Variants in SETD2 observed in about 807,000 individuals in gnomAD.
SETD2 encodes histone-lysine N-methyltransferase SETD2.
SETD2 carries 31 observed loss-of-function variants against 242.1 expected under a neutral mutation model. The ratio of observed to expected loss-of-function variants is 0.13; its 90% CI spans 0.10 to 0.17. The LOEUF (loss-of-function observed/expected upper bound fraction) is 0.17. Among genes scored for constraint, SETD2 ranks in the 10% least tolerant of loss-of-function variants. The pLI is 1.00. For synonymous variants in SETD2, 1,006 were observed against 1,066.5 expected, an observed-to-expected ratio of 0.94 and a Z score of 1.11; for missense variants, 2,481 against 3,046.3, an observed-to-expected ratio of 0.81 and a Z score of 4.37.
At chr3:47,034,481 C>T (rs1322026097) in intron 18 of SETD2, among the ~76,000 whole-genome samples, 2 of 152,092 alleles carry the variant, frequency 1.3e-5, no homozygotes, top group African/African-American at 4.8e-5. Context: ...CTCTAAAGTC[C>T]TTGTTTGTTG....
intron 1 of SETD2, among the ~76,000 whole-genome samples, chr3:47,158,498 A>G (rs1236733465): frequency 1.3e-5 from 2 of 152,226 alleles, no homozygotes; most frequent in African/African-American, 4.8e-5. Context: ...TACAAGGATG[A>G]AGACCTTTAT....
chr3:47,049,490 A>G (rs2039706068), intron 15 of SETD2, among the ~76,000 whole-genome samples: 4 of 143,320 alleles, frequency 2.8e-5, no homozygotes, highest in Admixed American at 2.1e-4. Flanking sequence ...CTCCTGCCTC[A>G]GCCTCCCGAG....
At position 47,120,748 on chromosome 3, in the gene SETD2, T is replaced by C. The variant is rs2043044110; in HGVS notation, c.3888A>G (p.Thr1296=). The C allele has an allele frequency of 3.1e-6, 5 of 1,614,078 alleles. No homozygotes were observed. Among genetic ancestry groups the C allele is most frequent in the South Asian group, 2.2e-5 (2 of 91,082 alleles). The change falls in exon 3 of 21, where the codon ACA becomes ACG. Residue 1296 remains threonine, a synonymous_variant. Transcript: ENST00000409792. ...YQQNAEQYGG[T]RDYWQGNGYW... ...AACCATTGCCTTGCCAGTAATCACG[T>C]GTCCCACCATACTGTTCTGCATTTT...
chr3:47,091,625 T>C (rs2041808559), intron 9 of SETD2, among the ~76,000 whole-genome samples: 1 of 152,120 alleles, frequency 6.6e-6, no homozygotes. Flanking sequence ...TAGCCGGGCA[T>C]GATGGCAGGT....
At position 47,084,102 on chromosome 3, in the gene SETD2, A is replaced by G. The variant is rs1322385881; in HGVS notation, c.5678T>C (p.Ile1893Thr). The G allele has an allele frequency of 6.2e-7, 1 of 1,614,044 alleles. No homozygotes were observed. Among genetic ancestry groups the G allele is most frequent in the Admixed American group, 1.7e-5 (1 of 60,002 alleles). Residue 1893 changes from isoleucine to threonine, a missense_variant, in exon 12 of 21, where the codon ATC becomes ACC. By Grantham distance (89) the Ile-to-Thr change is moderately conservative. Coordinates refer to ENST00000409792, the MANE Select transcript of SETD2 (RefSeq NM_014159.7). ...IISENSMDSAISDATSELEGK... is the reference protein window; with the variant it reads ...IISENSMDSATSDATSELEGK... ...TTCTAGCTCACTGGTTGCATCAGAG[A>G]TTGCACTGTCCATGCTATTTTCACT...
intron 2 of SETD2, among the ~76,000 whole-genome samples, 177 bp from the exon 3 acceptor site, chr3:47,124,725 T>C (rs1447868011): frequency 1.3e-5 from 2 of 152,192 alleles, no homozygotes; most frequent in Non-Finnish European, 2.9e-5. Flanking sequence ...GTCAAAAGTA[T>C]AGAAAATGGT....
intron 16 of SETD2, among the ~76,000 whole-genome samples, chr3:47,044,133 G>C (rs1034586203): frequency 2.2e-4 from 33 of 151,816 alleles, no homozygotes; most frequent in African/African-American, 8.0e-4. Flanking sequence ...ACGAGGTCAG[G>C]AGTTTGAGAC....
chr3:47,158,134 C>A (rs1027472454), intron 1 of SETD2, among the ~76,000 whole-genome samples: 4 of 152,050 alleles, frequency 2.6e-5, no homozygotes, highest in Admixed American at 6.6e-5. Flanking sequence ...TGGATTCCTT[C>A]TCAGTCTAAT....
chr3:47,086,574 T>G (rs2041567849), intron 10 of SETD2, among the ~76,000 whole-genome samples: 1 of 152,206 alleles, frequency 6.6e-6, no homozygotes, highest in African/African-American at 2.4e-5. Flanking sequence ...ATATGAATAT[T>G]AATAGGTCAT....
At chr3:47,085,289 C>A (rs1018171275) in intron 11 of SETD2, among the ~76,000 whole-genome samples, 1 of 152,176 alleles carries the variant, frequency 6.6e-6, no homozygotes, top group African/African-American at 2.4e-5. Flanking sequence ...CACTACTGGA[C>A]CAATCCTGGG....
chr3:47,142,239 C>T (rs2043746927), intron 1 of SETD2, among the ~76,000 whole-genome samples: 1 of 152,084 alleles, frequency 6.6e-6, no homozygotes, highest in Non-Finnish European at 1.5e-5. Context: ...GACGTGGTAG[C>T]TCCCCCATCT....
intron 18 of SETD2, among the ~76,000 whole-genome samples, chr3:47,029,830 T>C (rs2038682128): frequency 6.6e-6 from 1 of 152,218 alleles, no homozygotes; most frequent in South Asian, 2.1e-4. Flanking sequence ...CATTTTATTC[T>C]GGGACTTGAC....
intron 18 of SETD2, among the ~76,000 whole-genome samples, chr3:47,028,017 T>TTTTTG (rs943389525): frequency 6.6e-6 from 1 of 152,070 alleles, no homozygotes; most frequent in Non-Finnish European, 1.5e-5. Flanking sequence ...GATGCTGGTT[T>TTTTTG]TTTTGTTTTG....
chr3:47,132,598 C>T (rs1198859906), intron 1 of SETD2, among the ~76,000 whole-genome samples: 1 of 152,150 alleles, frequency 6.6e-6, no homozygotes, highest in Non-Finnish European at 1.5e-5. Flanking sequence ...AAAGAATATT[C>T]CTGTCCTCAA....
chr3:47,116,816 A>G, intron 3 of SETD2, 62 bp from the exon 4 acceptor site: 4 of 1,161,374 alleles, frequency 3.4e-6, no homozygotes, highest in Non-Finnish European at 5.0e-6. Flanking sequence ...TATAACATAT[A>G]TAATCAAATA....
At chr3:47,049,374 C>CTTT (rs1166711209) in intron 15 of SETD2, among the ~76,000 whole-genome samples, 11 of 96,968 alleles carry the variant, frequency 1.1e-4, no homozygotes, top group African/African-American at 2.0e-4. Flanking sequence ...TAAACTTATT[C>CTTT]TTTTTTTTTT....
At chr3:47,091,007 T>C (rs951265183) in intron 9 of SETD2, among the ~76,000 whole-genome samples, 3 of 152,212 alleles carry the variant, frequency 2.0e-5, no homozygotes, top group African/African-American at 7.2e-5. Flanking sequence ...AAGTGCTGCC[T>C]GAGAGAGGTT....
rs746798365 is a variant in SETD2, at chr3:47,121,332, C to T, written c.3304G>A (p.Glu1102Lys). The T allele has an allele frequency of 6.2e-7, 1 of 1,611,082 alleles. No homozygotes were observed. The change falls in exon 3 of 21, where the codon GAA (glutamate) becomes AAA (lysine). Residue 1102 changes from glutamate to lysine, a missense_variant. Physicochemically the swap from Glu to Lys is moderately conservative, Grantham distance 56 (BLOSUM62 1). This residue lies in a region of SETD2 where 1,300 missense variants were observed against 1,259.2 expected (regional missense o/e 1.03). Coordinates refer to ENST00000409792, the MANE Select transcript of SETD2 (RefSeq NM_014159.7). ...CTCCTTGACTCCAATCTCTCATCTT[C>T]CCAATGGTCAGAATAGTGTCTATAA... ...QSYRHYSDHWEDERLESRRHL... is the reference protein window; with the variant it reads ...QSYRHYSDHWKDERLESRRHL...
intron 12 of SETD2, among the ~76,000 whole-genome samples, chr3:47,078,438 A>T (rs988230572): frequency 4.0e-5 from 6 of 151,852 alleles, no homozygotes; most frequent in African/African-American, 1.2e-4. Context: ...ATAAAGGCAG[A>T]CCGAAGAACT....
Sources: allele counts gnomAD v4.1 joint callset (sites outside exome capture counted in the v4.1 genomes callset), GRCh38; gene constraint gnomAD v4.1.1; regional missense constraint gnomAD v4.1.1; transcripts MANE v1.5; gene names NCBI Gene and HGNC (gene_info 2026-07-23, HGNC 2026-07-21).